The following TENT5B variants were observed in gnomAD, a reference collection of about 807,000 sequenced individuals.
The protein encoded by TENT5B is terminal nucleotidyltransferase 5B.
Under a neutral mutation model 21.7 loss-of-function variants are expected in TENT5B, and 12 were observed. The observed-to-expected ratio is 0.55, with a 90% CI of 0.36 to 0.90. The LOEUF is 0.90. TENT5B is among the 40% of genes least tolerant of loss of function. The pLI, the probability that TENT5B is intolerant of heterozygous loss-of-function variation, is 0.01. For synonymous variants in TENT5B, 262 were observed against 266.6 expected, an observed-to-expected ratio of 0.98 and a Z score of 0.17; for missense variants, 540 against 601.5, an observed-to-expected ratio of 0.90 and a Z score of 1.07.
At position 27,005,808 on chromosome 1, in the gene TENT5B, TTCAA is replaced by T; in HGVS notation, c.*132_*135del. The T allele has an allele frequency of 6.4e-6, 8 of 1,243,452 alleles. No homozygotes were observed. Among genetic ancestry groups the T allele is most frequent in the Non-Finnish European group, 8.8e-6 (8 of 914,056 alleles). 77.0% of individuals were successfully genotyped at this position (1,243,452 alleles called of 1,614,324 possible). On this transcript the variant is annotated 3_prime_UTR_variant, in exon 2 of 2. Transcript: ENST00000289166. ...CTCGTGCTCGGGAAAGTCTGGTCTG[TTCAA>T]TCAAAGGCCCAACCCTGCAGTGCTG...
chr1:27,011,947 T>A (rs996457657), intron 1 of TENT5B, among the ~76,000 whole-genome samples: 1 of 151,956 alleles, frequency 6.6e-6, no homozygotes, highest in African/African-American at 2.4e-5. Flanking sequence ...CAAAAGGCTG[T>A]AGGAGCACAA....
rs554077572 is a variant in TENT5B at position 27,009,390 on chromosome 1, T to C, written c.265-2433A>G. On this transcript the variant is annotated intron_variant, in intron 1 of 1. Transcript: ENST00000289166. ...AAAGCCTATCCTGTTTCTACCACAT[T>C]ACAGTCCCAGGGTTCAGAAGGAGCA... is the stretch of plus-strand genomic sequence containing the variant. Among the ~76,000 whole-genome samples, 329 of 152,310 alleles carry C rather than the reference T, an allele frequency of 2.2e-3. 3 individuals carry two copies. The highest frequency in any genetic ancestry group is 6.7e-3 in the African/African-American group (277 of 41,570).
intron 1 of TENT5B, among the ~76,000 whole-genome samples, chr1:27,009,904 C>A (rs1337186633): frequency 6.6e-6 from 1 of 152,252 alleles, no homozygotes; most frequent in African/African-American, 2.4e-5. Context: ...CCACCACACC[C>A]AAGTACTGCA....
chr1:27,006,272 A>G lies in TENT5B; in HGVS notation c.950T>C (p.Val317Ala), dbSNP rs369226066. ...GCGCTCTAGGGTGCGCCGCTGCTCC[A>G]CCAGGTCTGGAAAGTCGATGAAGAA... ...SRFFIDFPDL[V>A]EQRRTLERYL... The change falls in exon 2 of 2, where the codon GTG (valine) becomes GCG (alanine). Residue 317 changes from valine to alanine, a missense_variant. Coordinates refer to ENST00000289166, the MANE Select transcript of TENT5B (RefSeq NM_052943.4). The surrounding 1 kb of genome is among the most constrained non-coding windows in gnomAD (Gnocchi z 9.4). 5.0e-6 allele frequency: 8 copies of G among 1,612,496 alleles called. No individual in the cohort carries two copies. The African/African-American group carries it at 1.1e-4, about 22-fold the overall frequency.
In TENT5B at chr1:27,012,839, A is replaced by C. The variant is rs2082631608; in HGVS notation, c.-169T>G. 2.2e-6 allele frequency: 2 copies of C among 895,588 alleles called. No individual in the cohort carries two copies. Among genetic ancestry groups the C allele is most frequent in the Non-Finnish European group, 1.6e-6 (1 of 643,656 alleles). 55.5% of individuals were successfully genotyped at this position (895,588 alleles called of 1,614,324 possible). Reference sequence around the variant, plus strand: ...CACCTCAGACGGCGACGACTAACCGACCCTAGCGCCTGCAGCCCGCGGCCC... The same window carrying C: ...CACCTCAGACGGCGACGACTAACCGCCCCTAGCGCCTGCAGCCCGCGGCCC... On this transcript the variant is annotated 5_prime_UTR_variant, in exon 1 of 2. Transcript: ENST00000289166.
rs777277425 is a variant in TENT5B at position 27,006,532 on chromosome 1, G to A, written c.690C>T (p.Gly230=). ...QIILDSLLLF[G]QCSSTPMSEA... is the part of the protein sequence containing the mutation. ...CAGACATGGGAGTGGACGAGCACTG[G>A]CCAAAGAGCAACAGGGAGTCCAGGA... Residue 230 remains glycine (G), a synonymous_variant, in exon 2 of 2, where the codon GGC becomes GGT. Coordinates refer to ENST00000289166, the MANE Select transcript of TENT5B (RefSeq NM_052943.4). The surrounding 1 kb of genome is among the most constrained non-coding windows in gnomAD (Gnocchi z 9.4). 2 of 1,614,170 alleles carry A rather than the reference G, an allele frequency of 1.2e-6. No homozygotes were observed. The highest frequency in any genetic ancestry group is 1.7e-5 in the Admixed American group (1 of 60,026).
rs2124201959 is a variant in TENT5B, at chr1:27,005,092, G to A, written c.*852C>T. The A allele has an allele frequency of 1.3e-5, 2 of 152,804 alleles. No individual in the cohort carries two copies. Among genetic ancestry groups the A allele is most frequent in the Middle Eastern group, 6.8e-3 (2 of 294 alleles). 9.5% of individuals were successfully genotyped at this position (152,804 alleles called of 1,614,324 possible). A position where few individuals can be genotyped will look rare whatever the true frequency, so the allele number is the denominator to read the frequency against. On this transcript the variant is annotated 3_prime_UTR_variant, in exon 2 of 2. Coordinates refer to ENST00000289166, the MANE Select transcript of TENT5B (RefSeq NM_052943.4). ...CAACAAACCCAGGGGAATACGCAAG[G>A]GGGTGGGAGTATGGCTCCCCTACCC...
intron 1 of TENT5B, among the ~76,000 whole-genome samples, chr1:27,009,761 T>C (rs536289413): frequency 7.5e-4 from 115 of 152,344 alleles, no homozygotes; most frequent in Middle Eastern, 3.4e-3. Flanking sequence ...GCATCTGGCC[T>C]AGTGAGTAGG....
At position 27,012,440 on chromosome 1, in the gene TENT5B, G is replaced by T; in HGVS notation, c.231C>A (p.Pro77=). 7.4e-6 allele frequency: 12 copies of T among 1,613,124 alleles called. No individual in the cohort carries two copies. The highest frequency in any genetic ancestry group is 1.0e-5 in the Non-Finnish European group (12 of 1,179,876). Residue 77 remains proline, a synonymous_variant, in exon 1 of 2, where the codon CCC becomes CCA. Coordinates refer to ENST00000289166, the MANE Select transcript of TENT5B (RefSeq NM_052943.4). ...TCTGCCGGGGCTGCACGCTCAGCGT[G>T]GGGAAGTTGCCGCGCCCGTGAATGG... ...PIPIHGRGNF[P]TLSVQPRQIV... is the part of the protein sequence containing the mutation.
intron 1 of TENT5B, among the ~76,000 whole-genome samples, chr1:27,009,633 C>T (rs1268366649): frequency 1.3e-5 from 2 of 152,198 alleles, no homozygotes; most frequent in Non-Finnish European, 2.9e-5. Context: ...GACCTTGGTC[C>T]AAGGACCCTA....
In TENT5B at chr1:27,012,585, G is replaced by A; in HGVS notation, c.86C>T (p.Ala29Val). The A allele has an allele frequency of 2.6e-6, 4 of 1,536,662 alleles. No homozygotes were observed. Among genetic ancestry groups the A allele is most frequent in the Non-Finnish European group, 2.6e-6 (3 of 1,147,612 alleles). The change falls in exon 1 of 2, where the codon GCA (alanine) becomes GTA (valine). Residue 29 changes from alanine to valine, a missense_variant. Coordinates refer to ENST00000289166, the MANE Select transcript of TENT5B (RefSeq NM_052943.4). ...GTAAATAVAT[A>V]APAGGGPDPE... ...GTCGGGGCCGCCGCCTGCCGGGGCT[G>A]CCGTGGCCACCGCCGTGGCCGCAGC...
chr1:27,008,746 C>A (rs545174740), intron 1 of TENT5B, among the ~76,000 whole-genome samples: 1 of 151,612 alleles, frequency 6.6e-6, no homozygotes, highest in Non-Finnish European at 1.5e-5. Flanking sequence ...GGATTACAGG[C>A]GCCCATCACC....
chr1:27,006,986 T>A lies in TENT5B; in HGVS notation c.265-29A>T. ...CAGGGGAGAGCAGGAAGGAGAGGTG[T>A]CAGGAGCGGGCCTCAGGGGTCCACC... On this transcript the variant is annotated intron_variant, in intron 1 of 1. Transcript: ENST00000289166. This position sits in a 1 kb window ranked among gnomAD's most constrained non-coding sequence, Gnocchi z 9.4. 2 of 1,544,402 alleles carry A rather than the reference T, an allele frequency of 1.3e-6. No individual in the cohort carries two copies. Among genetic ancestry groups the A allele is most frequent in the South Asian group, 1.3e-5 (1 of 79,902 alleles).
rs559659512 is a variant in TENT5B at position 27,005,838 on chromosome 1, G to C, written c.*106C>G. On this transcript the variant is annotated 3_prime_UTR_variant, in exon 2 of 2. Transcript: ENST00000289166. ...TCAAAGGCCCAACCCTGCAGTGCTG[G>C]GCCTCCTGGCACATTCTGCGCCTCT... 3 of 1,435,536 alleles carry C rather than the reference G, an allele frequency of 2.1e-6. No individual in the cohort carries two copies. Among genetic ancestry groups the C allele is most frequent in the Non-Finnish European group, 2.8e-6 (3 of 1,068,860 alleles). The allele number at this position is 1,435,536 out of a possible 1,614,324, so 88.9% of individuals were successfully genotyped here.
Position 27,006,187 on chromosome 1 carries a change from T to G in TENT5B, c.1035A>C (p.Thr345=). 6.2e-7 allele frequency: 1 copy of G among 1,612,240 alleles called. No homozygotes were observed. Among genetic ancestry groups the G allele is most frequent in the Non-Finnish European group, 8.5e-7 (1 of 1,179,536 alleles). Residue 345 remains threonine, a synonymous_variant, in exon 2 of 2, where the codon ACA becomes ACC. Transcript: ENST00000289166. This position sits in a 1 kb window ranked among gnomAD's most constrained non-coding sequence, Gnocchi z 9.4. Reference sequence around the variant, plus strand: ...TGCTCTCGTTGACCACCCGGTGCAGTGTCACCAGGCAGGCGTAACGGCGGG... The same window carrying G: ...TGCTCTCGTTGACCACCCGGTGCAGGGTCACCAGGCAGGCGTAACGGCGGG... ...DAARRYACLV[T]LHRVVNESTV...
At chr1:27,012,180 GA>G (rs1184945846) in intron 1 of TENT5B, among the ~76,000 whole-genome samples, 1 of 152,148 alleles carries the variant, frequency 6.6e-6, no homozygotes, top group Non-Finnish European at 1.5e-5. Flanking sequence ...GATCCGTGGG[GA>G]ATCAGGGTTC....
Position 27,006,716 on chromosome 1 carries a change from A to G in TENT5B, c.506T>C (p.Leu169Pro). ...CAGCTTCTGCACGTATGCCTCCTTG[A>G]GTGTCAGTGGCGTGATCTTGGCCCG... is the stretch of plus-strand genomic sequence containing the variant. ...VSRAKITPLT[L>P]KEAYVQKLVK... is the part of the protein sequence containing the mutation. The change falls in exon 2 of 2, where the codon CTC (leucine) becomes CCC (proline). Residue 169 changes from leucine to proline, a missense_variant. Leu to Pro is a moderately conservative substitution (Grantham distance 98). Coordinates refer to ENST00000289166, the MANE Select transcript of TENT5B (RefSeq NM_052943.4). The surrounding 1 kb of genome is among the most constrained non-coding windows in gnomAD (Gnocchi z 9.4). The G allele has an allele frequency of 6.2e-7, 1 of 1,613,994 alleles. No homozygotes were observed.
In TENT5B at chr1:27,006,882, C is replaced by T. The variant is rs201078551; in HGVS notation, c.340G>A (p.Val114Met). ...VRLHGSAASH[V>M]LHPESGLGYK... is the part of the protein sequence containing the mutation. Reference sequence around the variant, plus strand: ...CCCAGGCCACTCTCAGGGTGCAGCACGTGGCTGGCAGCTGAACCATGCAGC... The same window carrying T: ...CCCAGGCCACTCTCAGGGTGCAGCATGTGGCTGGCAGCTGAACCATGCAGC... The change falls in exon 2 of 2, where the codon GTG (valine) becomes ATG (methionine). Residue 114 changes from valine to methionine, a missense_variant. Val to Met is a conservative substitution (Grantham distance 21). Transcript: ENST00000289166. The surrounding 1 kb of genome is among the most constrained non-coding windows in gnomAD (Gnocchi z 9.4). 14 of 1,613,810 alleles carry T rather than the reference C, an allele frequency of 8.7e-6. No individual in the cohort carries two copies. Among genetic ancestry groups the T allele is most frequent in the Admixed American group, 8.3e-5 (5 of 60,022 alleles).
At chr1:27,011,887 GT>G (rs566348664) in intron 1 of TENT5B, among the ~76,000 whole-genome samples, 71 of 152,168 alleles carry the variant, frequency 4.7e-4, no homozygotes, top group African/African-American at 1.7e-3. Flanking sequence ...TCCCTGACAA[GT>G]TTTCTTGGCT....
Sources: allele counts gnomAD v4.1 joint callset (sites outside exome capture counted in the v4.1 genomes callset), GRCh38; gene constraint gnomAD v4.1.1; non-coding constraint Gnocchi (gnomAD v3.1); transcripts MANE v1.5; gene names NCBI Gene and HGNC (gene_info 2026-07-23, HGNC 2026-07-21).